The following ABCC6 variants were observed in gnomAD, a reference collection of about 807,000 sequenced individuals.
ABCC6 encodes the protein ATP-binding cassette sub-family C member 6.
Under a neutral mutation model 169.5 loss-of-function variants are expected in ABCC6, and 126 were observed. The observed-to-expected ratio is 0.74, with a 90% CI of 0.64 to 0.86. The LOEUF is 0.86. Ranked by LOEUF, ABCC6 falls within the 40% of genes least tolerant of loss-of-function variation. ABCC6 has a pLI of 0.00. For synonymous variants in ABCC6, 752 were observed against 814.7 expected, an observed-to-expected ratio of 0.92 and a Z score of 1.31; for missense variants, 1,733 against 1,927.2, an observed-to-expected ratio of 0.90 and a Z score of 1.89.
intron 6 of ABCC6, among the ~76,000 whole-genome samples, chr16:16,211,338 T>C (rs994040694): frequency 1.3e-5 from 2 of 151,782 alleles, no homozygotes; most frequent in African/African-American, 4.8e-5. Context: ...GAGGCGGAGG[T>C]TGCAGTGAGC....
rs2049008560 is a variant in ABCC6 at position 16,219,649 on chromosome 16, T to A, written c.379A>T (p.Lys127Ter). The change falls in exon 4 of 31, where the codon AAA becomes TAA. Residue 127 changes from lysine to a stop codon, truncating the protein, a stop_gained. Transcript: ENST00000205557. LOFTEE classifies it high-confidence loss of function. ...ACTCCAGATGACTGGACTCCCTTTT[T>A]CCTCTCGGTGTGAATCAGGAACACT... ...FAVFLIHTER[K>*]KGVQSSGVLF... 1 of 1,513,592 alleles carries A rather than the reference T, an allele frequency of 6.6e-7. No homozygotes were observed. The highest frequency in any genetic ancestry group is 1.4e-5 in the African/African-American group (1 of 70,976). 93.8% of individuals were successfully genotyped at this position (1,513,592 alleles called of 1,614,324 possible).
intron 12 of ABCC6, among the ~76,000 whole-genome samples, chr16:16,189,273 G>C (rs1273555985): frequency 6.6e-6 from 1 of 152,164 alleles, no homozygotes; most frequent in Non-Finnish European, 1.5e-5. Flanking sequence ...TCCAGGCATC[G>C]GGGGACAGCA....
Position 16,221,640 on chromosome 16 carries a change from G to A in ABCC6, c.219+9C>T. On this transcript the variant is annotated intron_variant, in intron 2 of 30. Transcript: ENST00000205557. ...TGCCTGGTTCCAGGCTCCCAGGGAT[G>A]GCAGCTACCATCTTGGCTTTGAAGA... is the stretch of plus-strand genomic sequence containing the variant. 1 of 1,613,810 alleles carries A rather than the reference G, an allele frequency of 6.2e-7. No homozygotes were observed. Among genetic ancestry groups the A allele is most frequent in the African/African-American group, 1.3e-5 (1 of 75,042 alleles).
At chr16:16,202,394 A>G (rs1448798645) in intron 8 of ABCC6, among the ~76,000 whole-genome samples, 1 of 151,998 alleles carries the variant, frequency 6.6e-6, no homozygotes, top group African/African-American at 2.4e-5. Flanking sequence ...CTCAAGATCA[A>G]GAGGTGGAGT....
chr16:16,185,169 T>C, intron 14 of ABCC6, 135 bp from the exon 15 acceptor site: 1 of 818,136 alleles, frequency 1.2e-6, no homozygotes, highest in Non-Finnish European at 2.1e-6. Flanking sequence ...ACTGAACAAA[T>C]TGCCCTGCTA....
At chr16:16,194,320 A>T (rs1170116009) in intron 10 of ABCC6, among the ~76,000 whole-genome samples, 3 of 152,370 alleles carry the variant, frequency 2.0e-5, no homozygotes, top group African/African-American at 7.2e-5. Context: ...GCCCAGTTAC[A>T]TTTGAAGATA....
At chr16:16,163,616 G>A (rs1312772195) in intron 23 of ABCC6, among the ~76,000 whole-genome samples, 2 of 152,112 alleles carry the variant, frequency 1.3e-5, no homozygotes, top group Non-Finnish European at 2.9e-5. Flanking sequence ...AAACTGTAAG[G>A]GGCAATGAAG....
chr16:16,222,254 G>A (rs533262019), intron 1 of ABCC6, among the ~76,000 whole-genome samples: 103 of 152,246 alleles, frequency 6.8e-4, no homozygotes, highest in South Asian at 1.5e-3. Flanking sequence ...GGCACCAGTC[G>A]GGGAACTGCC....
At chr16:16,160,173 T>C (rs1417240911) in intron 25 of ABCC6, among the ~76,000 whole-genome samples, 3 of 152,090 alleles carry the variant, frequency 2.0e-5, no homozygotes, top group Non-Finnish European at 4.4e-5. Flanking sequence ...CACTTCCTCC[T>C]AAGTCACCTC....
intron 11 of ABCC6, among the ~76,000 whole-genome samples, chr16:16,192,196 C>A (rs985890206): frequency 1.3e-5 from 2 of 151,952 alleles, no homozygotes; most frequent in South Asian, 4.2e-4. Context: ...CGAAGGCCTG[C>A]AGGGATGTGT....
intron 7 of ABCC6, among the ~76,000 whole-genome samples, chr16:16,204,152 T>A (rs1245815099): frequency 6.6e-6 from 1 of 151,954 alleles, no homozygotes; most frequent in Non-Finnish European, 1.5e-5. Flanking sequence ...CACTTCCCAG[T>A]TCAAGTGATT....
rs1023578045 is a variant in ABCC6, at chr16:16,177,402, C to A, written c.2590+50G>T. ...GTAGGACCCTTCGAGCCTTTTCCCC[C>A]AAGGGTGGCAGGAGCCAGGCCTGGA... On this transcript the variant is annotated intron_variant, in intron 19 of 30. Transcript: ENST00000205557. The A allele has an allele frequency of 3.1e-6, 5 of 1,608,782 alleles. No individual in the cohort carries two copies. In the African/African-American group the frequency reaches 6.7e-5, roughly 21 times the overall value.
Position 16,193,756 on chromosome 16 carries a change from G to T in ABCC6, c.1339-834C>A, listed in dbSNP as rs28568814. Among the ~76,000 whole-genome samples the T allele has an allele frequency of 5.7e-3, 862 of 152,226 alleles. 4 individuals are homozygous for T. Among genetic ancestry groups the T allele is most frequent in the African/African-American group, 0.019 (804 of 41,542 alleles). ...ACACTTGCTTTCACTTTATGGACTCGCCCTGAATTCTTTCTTGCACGAGAT... is the reference window on the plus strand; with the variant it reads ...ACACTTGCTTTCACTTTATGGACTCTCCCTGAATTCTTTCTTGCACGAGAT... On this transcript the variant is annotated intron_variant, in intron 10 of 30. Transcript: ENST00000205557.
chr16:16,159,373 G>A (rs2046640890), intron 26 of ABCC6, 109 bp downstream of exon 26: 3 of 1,023,050 alleles, frequency 2.9e-6, no homozygotes, highest in Non-Finnish European at 3.0e-6. Context: ...TGAGTGAGGG[G>A]AGAAGAGGGT....
chr16:16,162,770 C>T (rs896276351), intron 24 of ABCC6, among the ~76,000 whole-genome samples: 3 of 152,180 alleles, frequency 2.0e-5, no homozygotes, highest in African/African-American at 4.8e-5. Flanking sequence ...AGTTGCCTGG[C>T]AACAGAAGCT....
At position 16,196,862 on chromosome 16, in the gene ABCC6, C is replaced by T. The variant is rs201205121; in HGVS notation, c.1338+1159G>A. Among the ~76,000 whole-genome samples, 14 of 152,050 alleles carry T rather than the reference C, an allele frequency of 9.2e-5. No homozygotes were observed. In the East Asian group the frequency reaches 2.1e-3, roughly 23 times the overall value. Reference sequence around the variant, plus strand: ...GGTTATAGGCACCCACCACTATGCCCGGCTAATTTTTGTATCTTTCAGTAG... The same window carrying T: ...GGTTATAGGCACCCACCACTATGCCTGGCTAATTTTTGTATCTTTCAGTAG... On this transcript the variant is annotated intron_variant, in intron 10 of 30. Coordinates refer to ENST00000205557, the MANE Select transcript of ABCC6 (RefSeq NM_001171.6).
chr16:16,150,834 T>C, intron 29 of ABCC6, 62 bp from the exon 30 acceptor site: 2 of 1,583,508 alleles, frequency 1.3e-6, no homozygotes, highest in Non-Finnish European at 1.7e-6. Context: ...GATGTGTGGG[T>C]GTGCCCAGAA....
chr16:16,184,768 G>A (rs1423929813), intron 15 of ABCC6, among the ~76,000 whole-genome samples, 191 bp downstream of exon 15: 1 of 152,064 alleles, frequency 6.6e-6, no homozygotes, highest in African/African-American at 2.4e-5. Flanking sequence ...GGTCTATGCT[G>A]TGCAGGTCCC....
chr16:16,163,034 A>T lies in ABCC6; in HGVS notation c.3465T>A (p.Asp1155Glu). 3.1e-6 allele frequency: 5 copies of T among 1,614,060 alleles called. No homozygotes were observed. Among genetic ancestry groups the T allele is most frequent in the Non-Finnish European group, 4.2e-6 (5 of 1,180,034 alleles). The change falls in exon 24 of 31, where the codon GAT becomes GAA. Residue 1155 changes from aspartate to glutamate, a missense_variant. Around this residue, in one of 5 missense-constraint regions of ABCC6, gnomAD observed 1,601 missense variants for 1,635.5 expected, o/e 0.98. Coordinates refer to ENST00000205557, the MANE Select transcript of ABCC6 (RefSeq NM_001171.6). ...GCGGGAAACTGATCCTCTGGCTTTC[A>T]TCTACGCGAGCATTGTTCTGAGCCA... is the stretch of plus-strand genomic sequence containing the variant. The part of the protein sequence containing the change: ...PFVAQNNARV[D>E]ESQRISFPRL...
Sources: gnomAD v4.1 joint callset for allele counts (sites outside exome capture counted in the v4.1 genomes callset) on GRCh38, gnomAD v4.1.1 for gene constraint, gnomAD v4.1.1 regional missense constraint, MANE v1.5 for transcripts, NCBI Gene and HGNC (gene_info 2026-07-23, HGNC 2026-07-21) for gene names.